EYS: variants seen among roughly 807,000 people sequenced by gnomAD.
The protein encoded by EYS is EGF-like photoreceptor maintenance factor.
Under a neutral mutation model 282.1 loss-of-function variants are expected in EYS, and 250 were observed. The observed-to-expected ratio is 0.89, with a 90% CI of 0.80 to 0.98. The LOEUF (loss-of-function observed/expected upper bound fraction) is 0.98. Ranked by LOEUF, EYS falls within the 50% of genes least tolerant of loss-of-function variation. The probability of loss-of-function intolerance (pLI) is 0.00; values close to 1 mark genes in which losing one functional copy is unlikely to be tolerated. For missense variants in EYS, 4,016 were observed against 3,709.0 expected (o/e 1.08, Z -2.15); for synonymous variants, 1,355 against 1,282.9 (o/e 1.06, Z -1.20).
At chr6:65,264,366 T>A (rs114724158) in intron 12 of EYS, among the ~76,000 whole-genome samples, 2,028 of 152,280 alleles carry the variant, frequency 0.013, 43 homozygotes, top group African/African-American at 0.045. Flanking sequence ...TCATTGCAAA[T>A]TGTTTTCATT....
chr6:63,886,188 C>G (rs1420779142), intron 35 of EYS, among the ~76,000 whole-genome samples: 1 of 152,210 alleles, frequency 6.6e-6, no homozygotes, highest in African/African-American at 2.4e-5. Flanking sequence ...CCTTTATCTA[C>G]TGGCTTGGGC....
intron 31 of EYS, among the ~76,000 whole-genome samples, chr6:64,230,204 T>C (rs1386222575): frequency 6.6e-6 from 1 of 152,184 alleles, no homozygotes; most frequent in African/African-American, 2.4e-5. Context: ...GATTTGCATA[T>C]GAAGTATATA....
At chr6:65,023,823 G>A (rs888010655) in intron 13 of EYS, among the ~76,000 whole-genome samples, 9 of 152,200 alleles carry the variant, frequency 5.9e-5, no homozygotes, top group African/African-American at 1.2e-4. Flanking sequence ...TCAAACAGAC[G>A]TTGATGTAAC....
intron 13 of EYS, among the ~76,000 whole-genome samples, chr6:65,018,259 T>A (rs1383410653): frequency 1.3e-5 from 2 of 152,198 alleles, no homozygotes; most frequent in Admixed American, 1.3e-4. Flanking sequence ...AAGTCCATGA[T>A]CAAGGTCTTG....
chr6:64,623,248 T>C (rs1184971368), intron 23 of EYS, among the ~76,000 whole-genome samples: 1 of 152,182 alleles, frequency 6.6e-6, no homozygotes, highest in Non-Finnish European at 1.5e-5. Flanking sequence ...ATCTCTAGAA[T>C]GTATTCATCT....
At chr6:63,924,307 A>G (rs779350612) in intron 35 of EYS, among the ~76,000 whole-genome samples, 9 of 152,236 alleles carry the variant, frequency 5.9e-5, no homozygotes, top group East Asian at 1.9e-4. Context: ...ACCAGTTTCT[A>G]TGCAAAGTGA....
chr6:64,111,623 A>T (rs1773207838), intron 31 of EYS, among the ~76,000 whole-genome samples: 1 of 152,084 alleles, frequency 6.6e-6, no homozygotes, highest in Admixed American at 6.6e-5. Context: ...AGGCTGAGAA[A>T]AATGACATAA....
At chr6:64,792,866 G>GTGTGTGTGTGTGTGTGTGTGTGTA (rs1774235529) in intron 22 of EYS, among the ~76,000 whole-genome samples, 2 of 152,004 alleles carry the variant, frequency 1.3e-5, no homozygotes, top group Admixed American at 1.3e-4. Context: ...ACGTGTGTGT[G>GTGTGTGTGTGTGTGTGTGTGTGTA]TGTGTGTGTG....
chr6:64,233,863 T>C (rs997669340), intron 30 of EYS, among the ~76,000 whole-genome samples: 6 of 152,192 alleles, frequency 3.9e-5, no homozygotes, highest in Non-Finnish European at 7.4e-5. Flanking sequence ...GAACACACAC[T>C]ACTTATTTCA....
chr6:64,193,140 C>T (rs538463465), intron 31 of EYS, among the ~76,000 whole-genome samples: 1 of 152,170 alleles, frequency 6.6e-6, no homozygotes, highest in African/African-American at 2.4e-5. Context: ...TTAGAATCAG[C>T]TTGTCACATT....
At position 64,617,486 on chromosome 6, in the gene EYS, A is replaced by G. The variant is rs1462601523; in HGVS notation, c.3616T>C (p.Ser1206Pro). The change falls in exon 24 of 43, where the codon TCA (serine) becomes CCA (proline). Residue 1206 changes from serine to proline, a missense_variant. Coordinates refer to ENST00000503581, the MANE Select transcript of EYS (RefSeq NM_001142800.2). ...CENELECIPN[S>P]CVHELCMENE... is the part of the protein sequence containing the mutation. ...TCCATGCAGAGTTCATGAACACATGAGTTGGGAATGCACTCAAGCTCATTC... is the reference window on the plus strand; with the variant it reads ...TCCATGCAGAGTTCATGAACACATGGGTTGGGAATGCACTCAAGCTCATTC... 3 of 1,551,068 alleles carry G rather than the reference A, an allele frequency of 1.9e-6. No individual in the cohort carries two copies. Among genetic ancestry groups the G allele is most frequent in the East Asian group, 2.4e-5 (1 of 40,898 alleles).
At chr6:64,254,609 C>T (rs1767331241) in intron 30 of EYS, among the ~76,000 whole-genome samples, 1 of 152,062 alleles carries the variant, frequency 6.6e-6, no homozygotes, top group Admixed American at 6.6e-5. Flanking sequence ...ACTTCTCCTA[C>T]ATATCCTTCC....
chr6:63,862,405 A>G (rs914497289), intron 36 of EYS, among the ~76,000 whole-genome samples: 1 of 150,630 alleles, frequency 6.6e-6, no homozygotes, highest in Non-Finnish European at 1.5e-5. Context: ...GGATGGGTGC[A>G]TGTAGGAATC....
intron 2 of EYS, among the ~76,000 whole-genome samples, chr6:65,617,699 C>T (rs1289754435): frequency 7.3e-5 from 9 of 122,470 alleles, no homozygotes; most frequent in African/African-American, 2.7e-4. Flanking sequence ...CTATCCCTCC[C>T]CCCTCCCCCC....
At chr6:64,160,884 A>C (rs1045288908) in intron 31 of EYS, among the ~76,000 whole-genome samples, 1 of 152,186 alleles carries the variant, frequency 6.6e-6, no homozygotes, top group Admixed American at 6.5e-5. Flanking sequence ...CTACATAAAC[A>C]TACTTGTGTG....
chr6:64,619,588 A>C (rs1390880660), intron 23 of EYS, among the ~76,000 whole-genome samples: 1 of 152,178 alleles, frequency 6.6e-6, no homozygotes, highest in Non-Finnish European at 1.5e-5. Context: ...ACTCTCCCAA[A>C]GAGACTGGGA....
chr6:63,733,125 C>A (rs1582152335), intron 41 of EYS, among the ~76,000 whole-genome samples: 1 of 152,002 alleles, frequency 6.6e-6, no homozygotes, highest in Admixed American at 6.6e-5. Context: ...GGAAGGAGGG[C>A]AGTGTGACTG....
At chr6:64,299,450 T>C (rs951436047) in intron 30 of EYS, among the ~76,000 whole-genome samples, 1 of 152,336 alleles carries the variant, frequency 6.6e-6, no homozygotes, top group East Asian at 1.9e-4. Context: ...CCTAGGTCTG[T>C]GGGTCAGACC....
At chr6:64,907,692 A>C (rs1265890451) in intron 16 of EYS, among the ~76,000 whole-genome samples, 2 of 152,164 alleles carry the variant, frequency 1.3e-5, no homozygotes, top group Non-Finnish European at 2.9e-5. Flanking sequence ...CAGAAAGAGA[A>C]GGCCTCTTCT....
Sources: allele counts gnomAD v4.1 joint callset (sites outside exome capture counted in the v4.1 genomes callset), GRCh38; gene constraint gnomAD v4.1.1; transcripts MANE v1.5; gene names NCBI Gene and HGNC (gene_info 2026-07-23, HGNC 2026-07-21).